Variants in KIAA1549L observed in about 807,000 individuals in gnomAD.
KIAA1549L encodes UPF0606 protein KIAA1549L.
Under a neutral mutation model 160.7 loss-of-function variants are expected in KIAA1549L, and 88 were observed. The ratio of observed to expected loss-of-function variants is 0.55; its 90% CI spans 0.46 to 0.65. The LOEUF (loss-of-function observed/expected upper bound fraction) is 0.65. Ranked by LOEUF, KIAA1549L falls within the 30% of genes least tolerant of loss-of-function variation. The probability of loss-of-function intolerance (pLI) is 0.00; values close to 1 mark genes in which losing one functional copy is unlikely to be tolerated. For missense variants in KIAA1549L, 2,258 were observed against 2,437.5 expected, an observed-to-expected ratio of 0.93 and a Z score of 1.55; for synonymous variants, 950 against 976.7, an observed-to-expected ratio of 0.97 and a Z score of 0.51.
At chr11:33,410,160 G>A (rs1385905954) in intron 1 of KIAA1549L, among the ~76,000 whole-genome samples, 1 of 152,126 alleles carries the variant, frequency 6.6e-6, no homozygotes, top group African/African-American at 2.4e-5. Context: ...AAGCAAGTGG[G>A]CTAGAGAAGT....
intron 16 of KIAA1549L, among the ~76,000 whole-genome samples, chr11:33,620,756 AT>A (rs1850938925): frequency 6.6e-6 from 1 of 152,132 alleles, no homozygotes; most frequent in Non-Finnish European, 1.5e-5. Flanking sequence ...CGTATCCTAT[AT>A]TTTTGAACCT....
intron 16 of KIAA1549L, among the ~76,000 whole-genome samples, chr11:33,625,682 T>G (rs1423591125): frequency 6.6e-6 from 1 of 152,212 alleles, no homozygotes; most frequent in South Asian, 2.1e-4. Flanking sequence ...GAGTAGGTTG[T>G]GAAAATTTTC....
At position 33,543,144 on chromosome 11, in the gene KIAA1549L, A is replaced by G; in HGVS notation, c.1581A>G (p.Pro527=). 4 of 1,613,858 alleles carry G rather than the reference A, an allele frequency of 2.5e-6. No individual in the cohort carries two copies. In the South Asian group the frequency reaches 4.4e-5, roughly 18 times the overall value. Residue 527 remains proline, a synonymous_variant, in exon 2 of 21, where the codon CCA becomes CCG. Coordinates refer to ENST00000658780, the MANE Select transcript of KIAA1549L (RefSeq NM_012194.3). ...CTGTGCCAGAAATGCCCACTCTTCC[A>G]GCAGAGGGCAGTGATGGGTCCCCTC... The part of the protein sequence containing the change: ...PSPVPEMPTL[P]AEGSDGSPPA...
At chr11:33,445,059 G>T (rs1333675078) in intron 1 of KIAA1549L, among the ~76,000 whole-genome samples, 6 of 152,192 alleles carry the variant, frequency 3.9e-5, no homozygotes, top group Admixed American at 3.3e-4. Flanking sequence ...ATAGTAGGAG[G>T]CCCCATGTTT....
In KIAA1549L at chr11:33,394,803, G is replaced by A. The variant is rs115891153; in HGVS notation, c.238+17914G>A. Among the ~76,000 whole-genome samples the A allele has an allele frequency of 4.7e-3, 715 of 152,310 alleles. 9 individuals carry two copies. Among genetic ancestry groups the A allele is most frequent in the African/African-American group, 0.017 (688 of 41,566 alleles). On this transcript the variant is annotated intron_variant, in intron 1 of 20. Coordinates refer to ENST00000658780, the MANE Select transcript of KIAA1549L (RefSeq NM_012194.3). ...TTAAAGCAGTGATTCGGGGACCCAG[G>A]GTCCTTCCATTTTGTGGCTTTGCCA... is the stretch of plus-strand genomic sequence containing the variant.
In KIAA1549L at chr11:33,543,051, T is replaced by A. The variant is rs1042077119; in HGVS notation, c.1488T>A (p.Thr496=). 1.2e-6 allele frequency: 2 copies of A among 1,613,942 alleles called. No homozygotes were observed. Among genetic ancestry groups the A allele is most frequent in the Non-Finnish European group, 1.7e-6 (2 of 1,179,900 alleles). ...GGGCGGTTCCCGCATCACCATCAAC[T>A]GGGACAGCCGACTTTCCCTCCATAC... ...LSGAVPASPS[T]GTADFPSILT... The change falls in exon 2 of 21, where the codon ACT becomes ACA. Residue 496 remains threonine, a synonymous_variant. Coordinates refer to ENST00000658780, the MANE Select transcript of KIAA1549L (RefSeq NM_012194.3).
chr11:33,511,674 C>T (rs1853230143), intron 1 of KIAA1549L, among the ~76,000 whole-genome samples: 1 of 152,180 alleles, frequency 6.6e-6, no homozygotes, highest in African/African-American at 2.4e-5. Context: ...TATGCACTGA[C>T]CTTAGGGTGA....
chr11:33,465,150 G>T (rs1852028667), intron 1 of KIAA1549L, among the ~76,000 whole-genome samples: 1 of 141,686 alleles, frequency 7.1e-6, no homozygotes, highest in Non-Finnish European at 1.5e-5. Context: ...CCGCCTCCCA[G>T]GCTCAAGTGA....
chr11:33,493,792 G>A (rs1195588632), intron 1 of KIAA1549L, among the ~76,000 whole-genome samples: 1 of 152,198 alleles, frequency 6.6e-6, no homozygotes, highest in Admixed American at 6.5e-5. Flanking sequence ...CCCTAGCCAA[G>A]GGGCAGACTT....
At chr11:33,595,289 A>G (rs2133296010) in intron 12 of KIAA1549L, among the ~76,000 whole-genome samples, 1 of 152,106 alleles carries the variant, frequency 6.6e-6, no homozygotes, top group East Asian at 1.9e-4. Flanking sequence ...TGCAGTGGCA[A>G]GATCTCAGCT....
At chr11:33,384,909 TTTTCA>T (rs1407927635) in intron 1 of KIAA1549L, among the ~76,000 whole-genome samples, 3 of 151,970 alleles carry the variant, frequency 2.0e-5, no homozygotes, top group African/African-American at 7.2e-5. Context: ...GTGGCTTGTC[TTTTCA>T]TTTTATTAAC....
At chr11:33,547,614 A>G (rs2133189915) in intron 3 of KIAA1549L, 150 bp from the exon 4 acceptor site, 1 of 592,164 alleles carries the variant, frequency 1.7e-6, no homozygotes, top group Non-Finnish European at 3.0e-6. Flanking sequence ...CCACAGAGCT[A>G]CCACCCCAGC....
chr11:33,490,253 T>G (rs916419034), intron 1 of KIAA1549L, among the ~76,000 whole-genome samples: 2 of 152,014 alleles, frequency 1.3e-5, no homozygotes, highest in Admixed American at 6.5e-5. Context: ...ATCTTTCTCC[T>G]CTTATCCAAG....
At chr11:33,429,878 G>T (rs576377292) in intron 1 of KIAA1549L, among the ~76,000 whole-genome samples, 1 of 152,082 alleles carries the variant, frequency 6.6e-6, no homozygotes. Flanking sequence ...GTGGAATCCT[G>T]AAGTAGCCTA....
Position 33,576,489 on chromosome 11 carries a change from G to A in KIAA1549L, c.4402+1616G>A, listed in dbSNP as rs191466751. Among the ~76,000 whole-genome samples, 27 of 152,196 alleles carry A rather than the reference G, an allele frequency of 1.8e-4. No homozygotes were observed. The East Asian group carries it at 4.4e-3, about 25-fold the overall frequency. On this transcript the variant is annotated intron_variant, in intron 10 of 20. Transcript: ENST00000658780. ...AACAGCTTGCTTCATCTGTTTTGCC[G>A]CATCCTCTTTATGTGGACTCCAGAG... is the stretch of plus-strand genomic sequence containing the variant.
In KIAA1549L at chr11:33,543,192, C is replaced by G; in HGVS notation, c.1629C>G (p.Leu543=). 3.1e-6 allele frequency: 5 copies of G among 1,613,964 alleles called. No individual in the cohort carries two copies. The highest frequency in any genetic ancestry group is 4.2e-6 in the Non-Finnish European group (5 of 1,179,898). ...GSPPATRDLL[L]SSKVPNLLST... Reference sequence around the variant, plus strand: ...CTCCTGCAACTAGAGACTTGCTCCTCTCAAGCAAAGTTCCTAATCTTCTTT... The same window carrying G: ...CTCCTGCAACTAGAGACTTGCTCCTGTCAAGCAAAGTTCCTAATCTTCTTT... Residue 543 remains leucine, a synonymous_variant, in exon 2 of 21, where the codon CTC becomes CTG. Transcript: ENST00000658780.
intron 7 of KIAA1549L, among the ~76,000 whole-genome samples, chr11:33,560,928 A>T (rs1382943013): frequency 1.3e-5 from 2 of 152,240 alleles, no homozygotes; most frequent in South Asian, 2.1e-4. Flanking sequence ...ATGATGTCAT[A>T]AAAGATGGCA....
intron 1 of KIAA1549L, among the ~76,000 whole-genome samples, chr11:33,406,197 C>CTGGG (rs1281822101): frequency 6.6e-6 from 1 of 152,114 alleles, no homozygotes; most frequent in East Asian, 1.9e-4. Flanking sequence ...GCATGTTGCT[C>CTGGG]CCCCCAAAAC....
chr11:33,633,086 C>T (rs541385730), intron 16 of KIAA1549L, among the ~76,000 whole-genome samples: 2 of 150,696 alleles, frequency 1.3e-5, no homozygotes, highest in East Asian at 3.9e-4. Flanking sequence ...GGCGATTCTC[C>T]TGTCTCAGCC....
Sources: allele counts gnomAD v4.1 joint callset (sites outside exome capture counted in the v4.1 genomes callset), GRCh38; gene constraint gnomAD v4.1.1; transcripts MANE v1.5; gene names NCBI Gene and HGNC (gene_info 2026-07-23, HGNC 2026-07-21).